ZNF462: variants seen among roughly 807,000 people sequenced by gnomAD.
The protein encoded by ZNF462 is zinc finger PBX1-interacting protein.
ZNF462 carries 10 observed loss-of-function variants against 201.9 expected under a neutral mutation model. That is an observed-to-expected ratio of 0.05 (90% confidence interval 0.03 to 0.08). ZNF462 has a LOEUF of 0.08. ZNF462 is among the 10% of genes least tolerant of loss of function. The probability of loss-of-function intolerance (pLI) is 1.00; values close to 1 mark genes in which losing one functional copy is unlikely to be tolerated. For missense variants in ZNF462, 2,523 were observed against 3,168.3 expected, an observed-to-expected ratio of 0.80 and a Z score of 4.89; for synonymous variants, 1,227 against 1,193.3, an observed-to-expected ratio of 1.03 and a Z score of -0.58.
chr9:106,865,866 G>A lies in ZNF462; in HGVS notation c.-31+2511G>A, dbSNP rs1431707596. 6.6e-6 allele frequency among the ~76,000 whole-genome samples: 1 copy of A among 152,200 alleles called. No individual in the cohort carries two copies. The highest frequency in any genetic ancestry group is 1.5e-5 in the Non-Finnish European group (1 of 68,038). Reference sequence around the variant, plus strand: ...CCCTAGTCCACACACATTGATGGGAGCTCTTCACATATTAGTTTTAGAGAA... The same window carrying A: ...CCCTAGTCCACACACATTGATGGGAACTCTTCACATATTAGTTTTAGAGAA... On this transcript the variant is annotated intron_variant, in intron 1 of 12. Coordinates refer to ENST00000277225, the MANE Select transcript of ZNF462 (RefSeq NM_021224.6). The surrounding 1 kb of genome is among the most constrained non-coding windows in gnomAD (Gnocchi z 4.1).
At position 106,972,414 on chromosome 9, in the gene ZNF462, T is replaced by C. The variant is rs1826670664; in HGVS notation, c.6695+142T>C. The C allele has an allele frequency of 1.7e-6, 2 of 1,200,048 alleles. No individual in the cohort carries two copies. The highest frequency in any genetic ancestry group is 2.3e-6 in the Non-Finnish European group (2 of 870,258). The allele number at this position is 1,200,048 out of a possible 1,614,324, so 74.3% of individuals were successfully genotyped here. ...ATGATGTAGGGGTTGGGTCCAGGCT[T>C]CATGGAAGGAGGGTAGTTTCAGAAG... is the stretch of plus-strand genomic sequence containing the variant. On this transcript the variant is annotated intron_variant, in intron 8 of 12. Transcript: ENST00000277225. This position sits in a 1 kb window ranked among gnomAD's most constrained non-coding sequence, Gnocchi z 4.8.
chr9:106,994,699 A>G (rs556986758), intron 10 of ZNF462, among the ~76,000 whole-genome samples: 26 of 152,264 alleles, frequency 1.7e-4, no homozygotes, highest in African/African-American at 6.3e-4. Context: ...AGAAACCAGA[A>G]TTAGATGAGC....
Position 106,974,754 on chromosome 9 carries a change from T to A in ZNF462, c.6832+481T>A, listed in dbSNP as rs1826868080. 5.4e-6 allele frequency: 1 copy of A among 186,752 alleles called. No homozygotes were observed. The highest frequency in any genetic ancestry group is 2.3e-5 in the African/African-American group (1 of 43,014). The allele number at this position is 186,752 out of a possible 1,614,324, so 11.6% of individuals were successfully genotyped here. A position where few individuals can be genotyped will look rare whatever the true frequency, so the allele number is the denominator to read the frequency against. ...AGAGAGAATTCTTTAAAATAATGTATATTATACATTCTAATAATAGTCTCT... is the reference window on the plus strand; with the variant it reads ...AGAGAGAATTCTTTAAAATAATGTAAATTATACATTCTAATAATAGTCTCT... On this transcript the variant is annotated intron_variant, in intron 9 of 12. Transcript: ENST00000277225. This position sits in a 1 kb window ranked among gnomAD's most constrained non-coding sequence, Gnocchi z 4.0.
At position 106,925,754 on chromosome 9, in the gene ZNF462, G is replaced by T; in HGVS notation, c.1842G>T (p.Gly614=). The part of the protein sequence containing the change: ...MCNYSTTTLK[G]LRVHQQHKHS... ...ATTACTCCACCACAACTCTGAAAGG[G>T]CTAAGAGTCCATCAGCAGCATAAAC... The change falls in exon 3 of 13, where the codon GGG becomes GGT. Residue 614 remains glycine, a synonymous_variant. Transcript: ENST00000277225. This position sits in a 1 kb window ranked among gnomAD's most constrained non-coding sequence, Gnocchi z 7.9. 1.9e-6 allele frequency: 3 copies of T among 1,614,182 alleles called. No homozygotes were observed. Among genetic ancestry groups the T allele is most frequent in the Non-Finnish European group, 2.5e-6 (3 of 1,180,042 alleles).
chr9:106,946,882 T>C (rs1831131093), intron 7 of ZNF462, among the ~76,000 whole-genome samples: 1 of 152,176 alleles, frequency 6.6e-6, no homozygotes, highest in African/African-American at 2.4e-5. Flanking sequence ...GCTACAATTA[T>C]TTTTTTGAAA....
chr9:106,918,283 T>C (rs1435212212), intron 1 of ZNF462, among the ~76,000 whole-genome samples: 2 of 152,226 alleles, frequency 1.3e-5, no homozygotes, highest in African/African-American at 4.8e-5. Context: ...TTGGAGGGCA[T>C]ATGCCCATAT....
At chr9:106,996,615 T>C (rs1460016888) in intron 10 of ZNF462, among the ~76,000 whole-genome samples, 1 of 152,220 alleles carries the variant, frequency 6.6e-6, no homozygotes, top group African/African-American at 2.4e-5. Flanking sequence ...ATGTCTTCTT[T>C]TGAGAAGTGT....
intron 10 of ZNF462, among the ~76,000 whole-genome samples, chr9:106,995,000 A>G (rs1828597353): frequency 6.6e-6 from 1 of 152,180 alleles, no homozygotes; most frequent in Non-Finnish European, 1.5e-5. Flanking sequence ...CAACTTTTCA[A>G]ATATGAAATT....
At position 106,966,796 on chromosome 9, in the gene ZNF462, C is replaced by A. The variant is rs1053362380; in HGVS notation, c.6428-5209C>A. On this transcript the variant is annotated intron_variant, in intron 7 of 12. Transcript: ENST00000277225. This position sits in a 1 kb window ranked among gnomAD's most constrained non-coding sequence, Gnocchi z 4.4. ...AATTTGCTTGCCTAAAATTCCTTGT[C>A]TTTTATTTTTTCTTGGTACTTGATT... Among the ~76,000 whole-genome samples the A allele has an allele frequency of 1.3e-5, 2 of 152,076 alleles. No homozygotes were observed. Among genetic ancestry groups the A allele is most frequent in the Admixed American group, 1.3e-4 (2 of 15,254 alleles).
At chr9:106,953,553 T>C (rs762512172) in intron 7 of ZNF462, among the ~76,000 whole-genome samples, 12 of 152,284 alleles carry the variant, frequency 7.9e-5, no homozygotes, top group Admixed American at 3.3e-4. Flanking sequence ...TCCTCCAGCC[T>C]CTCTGATCAT....
chr9:106,863,102 G>A (rs1220205110), upstream of ZNF462: 1 of 393,852 alleles, frequency 2.5e-6, no homozygotes, highest in Non-Finnish European at 4.5e-6. Context: ...GAGAGGGAGA[G>A]GGAGGGAGGG....
rs201447005 is a variant in ZNF462, at chr9:106,926,350, C to T, written c.2438C>T (p.Ser813Phe). The change falls in exon 3 of 13, where the codon TCC becomes TTC. Residue 813 changes from serine (S) to phenylalanine (F), a missense_variant. Coordinates refer to ENST00000277225, the MANE Select transcript of ZNF462 (RefSeq NM_021224.6). This position sits in a 1 kb window ranked among gnomAD's most constrained non-coding sequence, Gnocchi z 7.9. ...ACAAACTTGAAAGATCACCAAGTTT[C>T]CAATACTGCTCTGCTGAATACCCAA... ...SSTNLKDHQVSNTALLNTQTP... is the reference protein window; with the variant it reads ...SSTNLKDHQVFNTALLNTQTP... 7 of 1,614,158 alleles carry T rather than the reference C, an allele frequency of 4.3e-6. No homozygotes were observed. The highest frequency in any genetic ancestry group is 5.9e-6 in the Non-Finnish European group (7 of 1,180,030).
At position 106,917,166 on chromosome 9, in the gene ZNF462, C is replaced by T. The variant is rs1296785276; in HGVS notation, c.-30-6188C>T. Among the ~76,000 whole-genome samples the T allele has an allele frequency of 1.3e-5, 2 of 152,170 alleles. No homozygotes were observed. Among genetic ancestry groups the T allele is most frequent in the East Asian group, 1.9e-4 (1 of 5,202 alleles). The stretch of plus-strand genomic sequence containing the variant: ...CTGCTTTCATAACAGGTCACTCAGC[C>T]GGAATGACTTCTTATTTACATATCC... On this transcript the variant is annotated intron_variant, in intron 1 of 12. Coordinates refer to ENST00000277225, the MANE Select transcript of ZNF462 (RefSeq NM_021224.6). This position sits in a 1 kb window ranked among gnomAD's most constrained non-coding sequence, Gnocchi z 4.5.
intron 1 of ZNF462, among the ~76,000 whole-genome samples, chr9:106,874,368 G>A (rs1452322591): frequency 1.3e-5 from 2 of 152,156 alleles, no homozygotes; most frequent in Non-Finnish European, 2.9e-5. Flanking sequence ...ATTCTTTGAG[G>A]AAACCTACCC....
chr9:106,887,789 CTG>C (rs1468562117), intron 1 of ZNF462, among the ~76,000 whole-genome samples: 1 of 152,156 alleles, frequency 6.6e-6, no homozygotes, highest in African/African-American at 2.4e-5. Flanking sequence ...AATGATGAAA[CTG>C]TGATTAAAAA....
Position 106,876,806 on chromosome 9 carries a change from C to T in ZNF462, c.-31+13451C>T, listed in dbSNP as rs544455915. Reference sequence around the variant, plus strand: ...CATCATTCTGGCAAAAATGATATGTCGAAGAAAATTGTCCTTATTGCAGAG... The same window carrying T: ...CATCATTCTGGCAAAAATGATATGTTGAAGAAAATTGTCCTTATTGCAGAG... On this transcript the variant is annotated intron_variant, in intron 1 of 12. Coordinates refer to ENST00000277225, the MANE Select transcript of ZNF462 (RefSeq NM_021224.6). The surrounding 1 kb of genome is among the most constrained non-coding windows in gnomAD (Gnocchi z 4.9). 9.9e-5 allele frequency among the ~76,000 whole-genome samples: 15 copies of T among 152,202 alleles called. No homozygotes were observed. Among genetic ancestry groups the T allele is most frequent in the Admixed American group, 3.3e-4 (5 of 15,294 alleles).
rs1830161427 is a variant in ZNF462 at position 106,925,591 on chromosome 9, T to TGCAGCAGCC, written c.1680_1688dup (p.Gln562_Gln564dup). The TGCAGCAGCC allele has an allele frequency of 6.2e-7, 1 of 1,610,562 alleles. No individual in the cohort carries two copies. Among genetic ancestry groups the TGCAGCAGCC allele is most frequent in the African/African-American group, 1.3e-5 (1 of 74,734 alleles). ...CCACCACCATCACAGCCACAGCCAC[T>TGCAGCAGCC]GCAGCAGCCACAGCCACCACAGCTG... On this transcript the variant is annotated inframe_insertion, in exon 3 of 13. Transcript: ENST00000277225. The surrounding 1 kb of genome is among the most constrained non-coding windows in gnomAD (Gnocchi z 7.9).
At chr9:106,909,465 C>T (rs1829450487) in intron 1 of ZNF462, among the ~76,000 whole-genome samples, 1 of 152,112 alleles carries the variant, frequency 6.6e-6, no homozygotes, top group African/African-American at 2.4e-5. Flanking sequence ...CTTCTGCTTA[C>T]CTCTAAATTA....
intron 1 of ZNF462, among the ~76,000 whole-genome samples, chr9:106,863,817 C>T (rs1043763684): frequency 7.0e-6 from 1 of 143,190 alleles, no homozygotes; most frequent in Non-Finnish European, 1.5e-5. Context: ...GGAGTAGGGA[C>T]AGAGGGGGGC....
Sources: allele counts gnomAD v4.1 joint callset (sites outside exome capture counted in the v4.1 genomes callset), GRCh38; gene constraint gnomAD v4.1.1; non-coding constraint Gnocchi (gnomAD v3.1); transcripts MANE v1.5; gene names NCBI Gene and HGNC (gene_info 2026-07-23, HGNC 2026-07-21).